Variants in PCDH11X observed in about 807,000 individuals in gnomAD.
The protein encoded by PCDH11X is protocadherin-11 X-linked.
In PCDH11X, 18 loss-of-function variants were observed where a neutral mutation model predicts 53.3. The observed-to-expected ratio is 0.34, with a 90% CI of 0.23 to 0.50. The LOEUF is 0.50. Ranked by LOEUF, PCDH11X falls within the 20% of genes least tolerant of loss-of-function variation. The pLI is 0.98. For missense variants in PCDH11X, 570 were observed against 1,032.4 expected, an observed-to-expected ratio of 0.55 and a Z score of 6.14; for synonymous variants, 279 against 393.3, an observed-to-expected ratio of 0.71 and a Z score of 3.44.
At chrX:92,509,225 T>G (rs2074119976) in intron 10 of PCDH11X, among the ~76,000 whole-genome samples, 1 of 109,809 alleles carries the variant, frequency 9.1e-6, no homozygotes. Context: ...TAATAAATTG[T>G]AAGATTTGCT....
chrX:91,963,257 A>G (rs1569279337), intron 6 of PCDH11X, among the ~76,000 whole-genome samples: 1 of 111,061 alleles, frequency 9.0e-6, no homozygotes. Flanking sequence ...ATCTTTGTGA[A>G]TACATAAAAC....
chrX:92,398,284 G>A (rs2071291578), intron 9 of PCDH11X, among the ~76,000 whole-genome samples: 1 of 111,110 alleles, frequency 9.0e-6, no homozygotes, highest in Admixed American at 9.6e-5. Context: ...ACAGTCTGAA[G>A]TGAATCTGTC....
intron 4 of PCDH11X, among the ~76,000 whole-genome samples, chrX:91,825,416 C>T (rs994638864): frequency 8.9e-6 from 1 of 111,878 alleles, no homozygotes; most frequent in African/African-American, 3.3e-5. Flanking sequence ...GCACAGTATT[C>T]GGGTGGGATT....
At chrX:91,824,629 T>A (rs182349533) in intron 4 of PCDH11X, among the ~76,000 whole-genome samples, 1 of 98,766 alleles carries the variant, frequency 1.0e-5, no homozygotes, top group African/African-American at 4.7e-5. Flanking sequence ...AATGTCCTCC[T>A]GTAGCTCAGA....
chrX:91,857,855 G>A (rs1938439190), intron 5 of PCDH11X, among the ~76,000 whole-genome samples: 1 of 111,489 alleles, frequency 9.0e-6, no homozygotes, highest in Non-Finnish European at 1.9e-5. Context: ...CCAGGCACAT[G>A]GTGTAAGTTG....
At chrX:91,822,603 G>T (rs1243874465) in intron 4 of PCDH11X, among the ~76,000 whole-genome samples, 8 of 102,465 alleles carry the variant, frequency 7.8e-5, no homozygotes, top group South Asian at 4.7e-4. Context: ...TATCAATTTT[G>T]TTGATCCTTT....
chrX:92,301,875 A>T (rs946471446), intron 8 of PCDH11X, among the ~76,000 whole-genome samples: 1 of 110,150 alleles, frequency 9.1e-6, no homozygotes, highest in Non-Finnish European at 1.9e-5. Flanking sequence ...CGTTTGGTAG[A>T]ATTCAACAGT....
chrX:91,898,143 G>A (rs1298574697), intron 6 of PCDH11X, among the ~76,000 whole-genome samples: 3 of 110,395 alleles, frequency 2.7e-5, no homozygotes, highest in Non-Finnish European at 3.8e-5. Flanking sequence ...GCATAAAGGA[G>A]TCAATAAGTA....
rs1350295415 is a variant in PCDH11X, at chrX:92,255,088, T to C, written c.3115-8026T>C. ...CACTTTCAGGTACACCAATCAGACG[T>C]AGATTTGGTCTTTTCACATAGTCCC... On this transcript the variant is annotated intron_variant, in intron 7 of 10. Transcript: ENST00000682573. Among the ~76,000 whole-genome samples the C allele has an allele frequency of 1.5e-4, 16 of 103,560 alleles. No individual in the cohort carries two copies. The East Asian group carries it at 4.0e-3, about 26-fold the overall frequency. 89.9% of individuals were successfully genotyped at this position (103,560 alleles called of 115,157 possible). A position where few individuals can be genotyped will look rare whatever the true frequency, so the allele number is the denominator to read the frequency against.
chrX:92,240,109 A>G, intron 7 of PCDH11X, among the ~76,000 whole-genome samples: 1 of 111,979 alleles, frequency 8.9e-6, no homozygotes, highest in Admixed American at 9.6e-5. Flanking sequence ...TTCTTTGTTC[A>G]GGGTTTCATG....
At chrX:92,533,254 A>G (rs191010210) in intron 10 of PCDH11X, among the ~76,000 whole-genome samples, 1,274 of 111,353 alleles carry the variant, frequency 0.011, 20 homozygotes, top group African/African-American at 0.04. Flanking sequence ...AAATGTCCCT[A>G]ATAAATATTT....
At chrX:92,334,687 G>T (rs764350018) in intron 8 of PCDH11X, among the ~76,000 whole-genome samples, 1 of 111,459 alleles carries the variant, frequency 9.0e-6, no homozygotes, top group Admixed American at 9.6e-5. Flanking sequence ...GTTGGCAGCT[G>T]CATTGCCCGC....
intron 6 of PCDH11X, among the ~76,000 whole-genome samples, chrX:92,008,481 T>C (rs2062637250): frequency 9.0e-6 from 1 of 111,091 alleles, no homozygotes; most frequent in Admixed American, 9.6e-5. Flanking sequence ...TCCTTCGGTG[T>C]CCAGAGAAGC....
intron 10 of PCDH11X, among the ~76,000 whole-genome samples, chrX:92,529,155 G>A (rs1317833299): frequency 8.9e-6 from 1 of 111,805 alleles, no homozygotes. Flanking sequence ...TAGGATTGAT[G>A]TTTACCGAAA....
intron 10 of PCDH11X, among the ~76,000 whole-genome samples, chrX:92,582,852 G>T (rs1342494483): frequency 1.8e-5 from 2 of 109,187 alleles, no homozygotes; most frequent in Admixed American, 9.8e-5. Flanking sequence ...GCATTAGCGT[G>T]ACCTGGATGT....
chrX:92,537,298 TC>T (rs1238529414), intron 10 of PCDH11X, among the ~76,000 whole-genome samples: 1 of 108,194 alleles, frequency 9.2e-6, no homozygotes, highest in Non-Finnish European at 1.9e-5. Flanking sequence ...CTGAAGATTT[TC>T]CCCCCCAAAA....
At chrX:92,484,647 C>G (rs55796331) in intron 10 of PCDH11X, among the ~76,000 whole-genome samples, 7,360 of 109,612 alleles carry the variant, frequency 0.067, 213 homozygotes, top group South Asian at 0.13. Flanking sequence ...AATCAAACCT[C>G]ATATGTTCTC....
intron 6 of PCDH11X, among the ~76,000 whole-genome samples, chrX:92,177,902 G>T (rs1407591299): frequency 9.1e-6 from 1 of 110,223 alleles, no homozygotes; most frequent in Non-Finnish European, 1.9e-5. Context: ...AACACAATTT[G>T]GAAAATGTTC....
chrX:91,998,083 A>G (rs1464343801), intron 6 of PCDH11X, among the ~76,000 whole-genome samples: 1 of 110,232 alleles, frequency 9.1e-6, no homozygotes, highest in Non-Finnish European at 1.9e-5. Flanking sequence ...ACAGGCTCCC[A>G]CCACCATGCC....
Sources: gnomAD v4.1 joint callset for allele counts (sites outside exome capture counted in the v4.1 genomes callset) on GRCh38, gnomAD v4.1.1 for gene constraint, MANE v1.5 for transcripts, NCBI Gene and HGNC (gene_info 2026-07-23, HGNC 2026-07-21) for gene names.